SGCZ: variants seen among roughly 807,000 people sequenced by gnomAD.
SGCZ encodes zeta-sarcoglycan.
SGCZ carries 40 observed loss-of-function variants against 41.3 expected under a neutral mutation model. The ratio of observed to expected loss-of-function variants is 0.97; its 90% confidence interval spans 0.75 to 1.26. SGCZ has a LOEUF of 1.26. Ranked by LOEUF, SGCZ falls within the 50% of genes most tolerant of loss-of-function variation. The pLI is 0.00. For synonymous variants in SGCZ, 206 were observed against 137.5 expected (o/e 1.50, Z -3.49); for missense variants, 552 against 369.8 (o/e 1.49, Z -4.04).
At chr8:14,329,909 G>A (rs1256464541) in intron 2 of SGCZ, among the ~76,000 whole-genome samples, 3 of 151,852 alleles carry the variant, frequency 2.0e-5, no homozygotes, top group African/African-American at 7.3e-5. Flanking sequence ...TGTACTGCCA[G>A]CAGTTTTTTG....
chr8:14,976,806 G>A (rs1225542310), intron 1 of SGCZ, among the ~76,000 whole-genome samples: 3 of 152,298 alleles, frequency 2.0e-5, no homozygotes, highest in African/African-American at 7.2e-5. Flanking sequence ...CATGTGTACT[G>A]CTTCCATTCT....
Position 14,403,803 on chromosome 8 carries a change from T to C in SGCZ, c.235-79599A>G, listed in dbSNP as rs564358456. ...ACATGCAATATTTATATAAAATGTA[T>C]GTTTAAATGCTGTGGTAACTGGAGA... On this transcript the variant is annotated intron_variant, in intron 2 of 7. Coordinates refer to ENST00000382080, the MANE Select transcript of SGCZ (RefSeq NM_139167.4). 5.1e-4 allele frequency among the ~76,000 whole-genome samples: 78 copies of C among 152,302 alleles called. 1 individual carries two copies. The South Asian group carries it at 8.9e-3, about 17-fold the overall frequency.
At chr8:14,115,207 G>C (rs907594734) in intron 5 of SGCZ, among the ~76,000 whole-genome samples, 6 of 151,938 alleles carry the variant, frequency 3.9e-5, no homozygotes, top group African/African-American at 1.4e-4. Flanking sequence ...GTAAGCAAAT[G>C]AGAAGTAACA....
intron 1 of SGCZ, among the ~76,000 whole-genome samples, chr8:14,870,477 A>G (rs188827882): frequency 2.6e-5 from 4 of 152,328 alleles, no homozygotes; most frequent in African/African-American, 9.6e-5. Flanking sequence ...TAAAACCATA[A>G]AAACCCTAGA....
intron 1 of SGCZ, among the ~76,000 whole-genome samples, chr8:14,943,157 C>G (rs1004422728): frequency 1.3e-5 from 2 of 152,166 alleles, no homozygotes; most frequent in African/African-American, 4.8e-5. Context: ...CCTTGACTCA[C>G]TAAATCTACA....
intron 1 of SGCZ, among the ~76,000 whole-genome samples, chr8:14,890,196 G>A (rs759099287): frequency 1.1e-4 from 17 of 150,960 alleles, no homozygotes; most frequent in South Asian, 2.1e-4. Flanking sequence ...CAGCCTGGGC[G>A]ACAGAACAAG....
At chr8:15,102,475 T>C (rs1026034979) in intron 1 of SGCZ, among the ~76,000 whole-genome samples, 4 of 152,182 alleles carry the variant, frequency 2.6e-5, no homozygotes, top group South Asian at 2.1e-4. Context: ...TCAAAACCCA[T>C]TGAATGTAGA....
chr8:14,280,532 A>G, intron 3 of SGCZ, among the ~76,000 whole-genome samples: 1 of 151,892 alleles, frequency 6.6e-6, no homozygotes, highest in East Asian at 1.9e-4. Context: ...CAAAGAAGAT[A>G]TTACTTTGAC....
At chr8:14,461,575 G>A (rs968274471) in intron 2 of SGCZ, among the ~76,000 whole-genome samples, 13 of 151,976 alleles carry the variant, frequency 8.6e-5, no homozygotes, top group Admixed American at 7.2e-4. Context: ...TGACCTAGAC[G>A]AATCAGTATG....
At chr8:15,064,881 G>A (rs943497458) in intron 1 of SGCZ, among the ~76,000 whole-genome samples, 2 of 152,114 alleles carry the variant, frequency 1.3e-5, no homozygotes, top group African/African-American at 4.8e-5. Context: ...AACCCCTGGC[G>A]TTTCGGTTGG....
At chr8:14,128,117 A>C (rs1248662728) in intron 5 of SGCZ, among the ~76,000 whole-genome samples, 1 of 152,218 alleles carries the variant, frequency 6.6e-6, no homozygotes, top group Non-Finnish European at 1.5e-5. Flanking sequence ...GGAGAAAAAA[A>C]TGCTTATACA....
intron 2 of SGCZ, among the ~76,000 whole-genome samples, chr8:14,440,249 T>C (rs1800209821): frequency 6.6e-6 from 1 of 152,094 alleles, no homozygotes; most frequent in Admixed American, 6.5e-5. Flanking sequence ...ATAAAAGAGC[T>C]CTATTTGACT....
At chr8:14,775,460 A>ACTGTGTGT (rs1358479725) in intron 1 of SGCZ, among the ~76,000 whole-genome samples, 5,526 of 149,266 alleles carry the variant, frequency 0.037, 308 homozygotes, top group African/African-American at 0.11. Context: ...AGAATATTTG[A>ACTGTGTGT]GTGTGTGTGT....
At chr8:14,294,322 C>T (rs960206599) in intron 3 of SGCZ, among the ~76,000 whole-genome samples, 1 of 151,710 alleles carries the variant, frequency 6.6e-6, no homozygotes, top group Non-Finnish European at 1.5e-5. Flanking sequence ...TACTAAAACT[C>T]CTATGTAATC....
intron 1 of SGCZ, among the ~76,000 whole-genome samples, chr8:14,669,239 T>A (rs1808017323): frequency 6.6e-6 from 1 of 151,146 alleles, no homozygotes; most frequent in Admixed American, 6.6e-5. Context: ...GCACCTGTAA[T>A]CCCAGCTACT....
intron 1 of SGCZ, among the ~76,000 whole-genome samples, chr8:15,135,145 T>G (rs1808059028): frequency 6.6e-6 from 1 of 152,216 alleles, no homozygotes; most frequent in Admixed American, 6.5e-5. Flanking sequence ...TGACCCTTTC[T>G]AAATTATAGA....
intron 1 of SGCZ, among the ~76,000 whole-genome samples, chr8:15,207,591 C>A (rs1415418697): frequency 2.0e-5 from 3 of 152,054 alleles, no homozygotes; most frequent in African/African-American, 4.8e-5. Flanking sequence ...GCAGTTAAAG[C>A]TGTGAGGTCA....
At chr8:14,503,518 C>G (rs1374132696) in intron 2 of SGCZ, among the ~76,000 whole-genome samples, 1 of 151,978 alleles carries the variant, frequency 6.6e-6, no homozygotes, top group Non-Finnish European at 1.5e-5. Flanking sequence ...GCCTGTAATC[C>G]CAGCACTTTA....
intron 1 of SGCZ, among the ~76,000 whole-genome samples, chr8:14,674,928 G>GTTTTTTTTTTTTT (rs201881681): frequency 2.0e-4 from 14 of 71,010 alleles, no homozygotes; most frequent in East Asian, 1.5e-3. Flanking sequence ...TTTCTTTTCT[G>GTTTTTTTTTTTTT]TTTTTTTTTT....
Sources: gnomAD v4.1 joint callset for allele counts (sites outside exome capture counted in the v4.1 genomes callset) on GRCh38, gnomAD v4.1.1 for gene constraint, MANE v1.5 for transcripts, NCBI Gene and HGNC (gene_info 2026-07-23, HGNC 2026-07-21) for gene names.